Variants in SPTBN1 observed in about 807,000 individuals in gnomAD.
SPTBN1 encodes the protein spectrin beta, non-erythrocytic 1.
In SPTBN1, 32 loss-of-function variants were observed where a neutral mutation model predicts 266.4. The ratio of observed to expected loss-of-function variants is 0.12; its 90% CI spans 0.09 to 0.16. The LOEUF (loss-of-function observed/expected upper bound fraction) is 0.16, where lower values mean the gene tolerates loss of function less well. SPTBN1 is among the 10% of genes least tolerant of loss of function. The pLI, the probability that SPTBN1 is intolerant of heterozygous loss-of-function variation, is 1.00. For synonymous variants in SPTBN1, 1,336 were observed against 1,162.2 expected, an observed-to-expected ratio of 1.15 and a Z score of -3.04; for missense variants, 2,296 against 3,067.1, an observed-to-expected ratio of 0.75 and a Z score of 5.94.
chr2:54,599,046 G>T (rs1676295171), intron 2 of SPTBN1, 46 bp from the exon 3 acceptor site: 1 of 1,602,016 alleles, frequency 6.2e-7, no homozygotes, highest in Non-Finnish European at 8.5e-7. Context: ...GCCTGCTCCT[G>T]CCAGTTCTGT....
At chr2:54,565,475 C>T (rs1673601845) in intron 2 of SPTBN1, among the ~76,000 whole-genome samples, 1 of 152,136 alleles carries the variant, frequency 6.6e-6, no homozygotes, top group African/African-American at 2.4e-5. Flanking sequence ...AGTTACCTGC[C>T]TCAGTTCTCC....
rs1474078718 is a variant in SPTBN1, at chr2:54,645,535, A to G, written c.4494+82A>G. On this transcript the variant is annotated intron_variant, in intron 21 of 35. Coordinates refer to ENST00000356805, the MANE Select transcript of SPTBN1 (RefSeq NM_003128.3). The surrounding 1 kb of genome is among the most constrained non-coding windows in gnomAD (Gnocchi z 4.3). Reference sequence around the variant, plus strand: ...AAGCCCACATTCTCACTTCTCAGTCATCCTCACCTTGGGCCACGTTGGCAA... The same window carrying G: ...AAGCCCACATTCTCACTTCTCAGTCGTCCTCACCTTGGGCCACGTTGGCAA... 3 of 1,460,942 alleles carry G rather than the reference A, an allele frequency of 2.1e-6. No individual in the cohort carries two copies. Among genetic ancestry groups the G allele is most frequent in the African/African-American group, 1.4e-5 (1 of 71,314 alleles). The allele number at this position is 1,460,942 out of a possible 1,614,324, so 90.5% of individuals were successfully genotyped here. A position where few individuals can be genotyped will look rare whatever the true frequency, so the allele number is the denominator to read the frequency against.
chr2:54,664,524 C>T lies in SPTBN1; in HGVS notation c.6492C>T (p.Ser2164=), dbSNP rs757426518. ...AACAAAGGACGAGCTCTAAAGAGTC[C>T]AGCCCCATCCCCTCCCCGACCTCTG... is the stretch of plus-strand genomic sequence containing the variant. ...ATEQRTSSKE[S]SPIPSPTSDR... Residue 2164 remains serine, a synonymous_variant, in exon 33 of 36, where the codon TCC becomes TCT. Coordinates refer to ENST00000356805, the MANE Select transcript of SPTBN1 (RefSeq NM_003128.3). The surrounding 1 kb of genome is among the most constrained non-coding windows in gnomAD (Gnocchi z 5.6). 6.2e-7 allele frequency: 1 copy of T among 1,614,152 alleles called. No individual in the cohort carries two copies. The highest frequency in any genetic ancestry group is 8.5e-7 in the Non-Finnish European group (1 of 1,180,020).
chr2:54,596,532 T>C (rs1367353189), intron 2 of SPTBN1, among the ~76,000 whole-genome samples: 2 of 152,174 alleles, frequency 1.3e-5, no homozygotes, highest in African/African-American at 4.8e-5. Context: ...TCTGTGTCTT[T>C]TCCAACGTGG....
chr2:54,572,991 T>G (rs13391803), intron 2 of SPTBN1, among the ~76,000 whole-genome samples: 38,386 of 152,058 alleles, frequency 0.25, 6,059 homozygotes, highest in African/African-American at 0.46. Flanking sequence ...GTGCTGGGAA[T>G]CAGATGAGAA....
chr2:54,500,865 T>A (rs575617306), intron 1 of SPTBN1, among the ~76,000 whole-genome samples: 1 of 152,290 alleles, frequency 6.6e-6, no homozygotes, highest in South Asian at 2.1e-4. Context: ...ATCTTGATGC[T>A]CACTCATACC....
chr2:54,555,000 A>G lies in SPTBN1; in HGVS notation c.148+28434A>G, dbSNP rs1462566205. Among the ~76,000 whole-genome samples the G allele has an allele frequency of 6.6e-6, 1 of 152,132 alleles. No individual in the cohort carries two copies. Among genetic ancestry groups the G allele is most frequent in the African/African-American group, 2.4e-5 (1 of 41,410 alleles). On this transcript the variant is annotated intron_variant, in intron 2 of 35. Coordinates refer to ENST00000356805, the MANE Select transcript of SPTBN1 (RefSeq NM_003128.3). This position sits in a 1 kb window ranked among gnomAD's most constrained non-coding sequence, Gnocchi z 4.5. ...TTTTATTAACCCAGTTGACCTGCTA[A>G]TTGGCACACCACATGCCTTTTCTCT...
intron 1 of SPTBN1, among the ~76,000 whole-genome samples, chr2:54,502,200 G>A (rs986838187): frequency 1.3e-5 from 2 of 152,160 alleles, no homozygotes; most frequent in East Asian, 3.9e-4. Context: ...GGGAGCTGGC[G>A]AGTTTCTGCT....
intron 2 of SPTBN1, among the ~76,000 whole-genome samples, chr2:54,596,105 C>T (rs1483837857): frequency 1.3e-5 from 2 of 152,178 alleles, no homozygotes; most frequent in Non-Finnish European, 2.9e-5. Context: ...TGCCCCAACA[C>T]CTCCTCACGC....
At chr2:54,504,461 A>T (rs910963017) in intron 1 of SPTBN1, among the ~76,000 whole-genome samples, 4 of 152,302 alleles carry the variant, frequency 2.6e-5, no homozygotes, top group African/African-American at 9.6e-5. Context: ...CCAACCATGG[A>T]TAGAAAATAT....
At position 54,563,415 on chromosome 2, in the gene SPTBN1, A is replaced by G. The variant is rs76190960; in HGVS notation, c.149-35677A>G. Among the ~76,000 whole-genome samples, 18 of 152,232 alleles carry G rather than the reference A, an allele frequency of 1.2e-4. No homozygotes were observed. In the East Asian group the frequency reaches 3.3e-3, roughly 28 times the overall value. On this transcript the variant is annotated intron_variant, in intron 2 of 35. Coordinates refer to ENST00000356805, the MANE Select transcript of SPTBN1 (RefSeq NM_003128.3). ...TGCGTTTGCACCAGGAGAGGTATGA[A>G]GTGCTCTGTCTTCCTTGGGACATAG...
chr2:54,560,277 C>T (rs1673204587), intron 2 of SPTBN1, among the ~76,000 whole-genome samples: 1 of 152,004 alleles, frequency 6.6e-6, no homozygotes, highest in South Asian at 2.1e-4. Context: ...TTCCCCTGGC[C>T]CGGACTCCCA....
chr2:54,671,022 T>C lies in SPTBN1; in HGVS notation c.*2453T>C. ...TTTTGCATATTTCTTGTTGCCATAA[T>C]GCTGTGCTATTTTACCCTGATTTTC... On this transcript the variant is annotated 3_prime_UTR_variant, in exon 36 of 36. Transcript: ENST00000356805. 2.6e-6 allele frequency: 1 copy of C among 388,840 alleles called. No individual in the cohort carries two copies. The highest frequency in any genetic ancestry group is 4.5e-6 in the Non-Finnish European group (1 of 220,526). 24.1% of individuals were successfully genotyped at this position (388,840 alleles called of 1,614,324 possible).
At chr2:54,560,084 GTGTCTC>G (rs1035473351) in intron 2 of SPTBN1, among the ~76,000 whole-genome samples, 13 of 151,184 alleles carry the variant, frequency 8.6e-5, no homozygotes, top group African/African-American at 3.2e-4. Context: ...GAACGGTTCT[GTGTCTC>G]TTTGGTTCAT....
At chr2:54,623,738 G>T in intron 10 of SPTBN1, 142 bp downstream of exon 10, 7 of 669,814 alleles carry the variant, frequency 1.0e-5, no homozygotes, top group Non-Finnish European at 1.5e-5. Flanking sequence ...CTGGTGCTCA[G>T]GTGTGGCAAA....
Position 54,576,055 on chromosome 2 carries a change from C to CTTTTTTTTTTTTTT in SPTBN1, c.149-23033_149-23020dup, listed in dbSNP as rs71408771. 1.1e-4 allele frequency among the ~76,000 whole-genome samples: 2 copies of CTTTTTTTTTTTTTT among 18,734 alleles called. 1 individual carries two copies. Among genetic ancestry groups the CTTTTTTTTTTTTTT allele is most frequent in the African/African-American group, 5.3e-4 (2 of 3,784 alleles). The allele number at this position is 18,734 out of a possible 152,430, so 12.3% of individuals were successfully genotyped here. A position where few individuals can be genotyped will look rare whatever the true frequency, so the allele number is the denominator to read the frequency against. On this transcript the variant is annotated intron_variant, in intron 2 of 35. Transcript: ENST00000356805. ...TTTTCCTTTTGTCACTCAGATCCAGCTTTTTTTTTTTTTTTTTGAGAGACA... is the reference window on the plus strand; with the variant it reads ...TTTTCCTTTTGTCACTCAGATCCAGCTTTTTTTTTTTTTTTTTTTTTTTTTTTTTTTGAGAGACA...
At chr2:54,474,273 A>AT (rs375004188) in intron 1 of SPTBN1, among the ~76,000 whole-genome samples, 2 of 152,228 alleles carry the variant, frequency 1.3e-5, no homozygotes, top group East Asian at 1.9e-4. Flanking sequence ...CATTACTATG[A>AT]TTTTTTTAAG....
intron 28 of SPTBN1, 118 bp downstream of exon 28, chr2:54,655,326 G>GT (rs1680579704): frequency 7.7e-7 from 1 of 1,303,838 alleles, no homozygotes; most frequent in Admixed American, 2.6e-5. Context: ...ACACACATAT[G>GT]TTTTAAAACT....
chr2:54,640,134 A>C (rs186427071), intron 18 of SPTBN1, among the ~76,000 whole-genome samples: 4 of 152,264 alleles, frequency 2.6e-5, no homozygotes, highest in Non-Finnish European at 4.4e-5. Context: ...AAACTTTTCC[A>C]TCATTCAGCC....
Sources: allele counts gnomAD v4.1 joint callset (sites outside exome capture counted in the v4.1 genomes callset), GRCh38; gene constraint gnomAD v4.1.1; non-coding constraint Gnocchi (gnomAD v3.1); transcripts MANE v1.5; gene names NCBI Gene and HGNC (gene_info 2026-07-23, HGNC 2026-07-21).